The following MRPS11 variants were observed in gnomAD, a reference collection of about 807,000 sequenced individuals.
MRPS11 encodes the protein small ribosomal subunit protein uS11m.
In MRPS11, 27 loss-of-function variants were observed where a neutral mutation model predicts 24.3. The ratio of observed to expected loss-of-function variants is 1.11; its 90% CI spans 0.82 to 1.53. MRPS11 has a LOEUF of 1.53. MRPS11 is among the 40% of genes most tolerant of loss of function. The probability of loss-of-function intolerance (pLI) is 0.00; values close to 1 mark genes in which losing one functional copy is unlikely to be tolerated. For missense variants in MRPS11, 277 were observed against 256.5 expected (o/e 1.08, Z -0.55); for synonymous variants, 104 against 98.7 (o/e 1.05, Z -0.32).
chr15:88,467,745 C>T lies in MRPS11; in HGVS notation c.28C>T (p.Arg10Trp), dbSNP rs16941904. The T allele has an allele frequency of 0.013, 21,408 of 1,613,940 alleles. 2,232 individuals carry two copies. In the African/African-American group the frequency reaches 0.24, roughly 18 times the overall value. Residue 10 changes from arginine to tryptophan, a missense_variant, in exon 1 of 6, where the codon CGG becomes TGG. Coordinates refer to ENST00000325844, the MANE Select transcript of MRPS11 (RefSeq NM_022839.5). ...GCAGGCTGTGAGAAACGCGGGGTCG[C>T]GGTTCCTGCGGTCCTGGACTTGGCC... is the stretch of plus-strand genomic sequence containing the variant. Reference protein sequence around the residue: MQAVRNAGSRFLRSWTWPQT... With the variant: MQAVRNAGSWFLRSWTWPQT...
At chr15:88,471,479 G>A (rs1225897037) in intron 2 of MRPS11, among the ~76,000 whole-genome samples, 2 of 152,178 alleles carry the variant, frequency 1.3e-5, no homozygotes, top group African/African-American at 2.4e-5. Context: ...TAGAGGAACA[G>A]CAAGTTTATT....
At position 88,472,661 on chromosome 15, in the gene MRPS11, C is replaced by T; in HGVS notation, c.217C>T (p.Leu73=). ...YPPIPGEESS[L]RWAGKKFEEI... ...TCCCATTCCAGGAGAGGAGAGCTCT[C>T]TGAGGTGGGCAGGAAAGAAATTTGA... Residue 73 remains leucine, a synonymous_variant, in exon 3 of 6, where the codon CTG becomes TTG. Coordinates refer to ENST00000325844, the MANE Select transcript of MRPS11 (RefSeq NM_022839.5). 1 of 1,614,086 alleles carries T rather than the reference C, an allele frequency of 6.2e-7. No homozygotes were observed. The highest frequency in any genetic ancestry group is 8.5e-7 in the Non-Finnish European group (1 of 1,179,974).
chr15:88,471,306 A>T (rs1377252790), intron 2 of MRPS11, among the ~76,000 whole-genome samples: 1 of 152,228 alleles, frequency 6.6e-6, no homozygotes, highest in Non-Finnish European at 1.5e-5. Context: ...AACTTTGAAT[A>T]CCAATGTGTT....
Position 88,477,165 on chromosome 15 carries a change from G to T in MRPS11, c.477+111G>T. 1 of 1,009,718 alleles carries T rather than the reference G, an allele frequency of 9.9e-7. No individual in the cohort carries two copies. The highest frequency in any genetic ancestry group is 1.5e-6 in the Non-Finnish European group (1 of 661,228). 62.5% of individuals were successfully genotyped at this position (1,009,718 alleles called of 1,614,324 possible). A position where few individuals can be genotyped will look rare whatever the true frequency, so the allele number is the denominator to read the frequency against. On this transcript the variant is annotated intron_variant, in intron 5 of 5. Coordinates refer to ENST00000325844, the MANE Select transcript of MRPS11 (RefSeq NM_022839.5). This position sits in a 1 kb window ranked among gnomAD's most constrained non-coding sequence, Gnocchi z 5.7. The stretch of plus-strand genomic sequence containing the variant: ...AAAACACCTTTTAGTGGATTTCCAT[G>T]TTTGCTTGAAGTTCCCGTCTGTTGT...
chr15:88,468,210 A>G (rs914291932), intron 2 of MRPS11, 186 bp downstream of exon 2: 3 of 1,433,782 alleles, frequency 2.1e-6, no homozygotes, highest in Admixed American at 5.7e-5. Context: ...GGTTGTGAGA[A>G]TCAGATGAGC....
At position 88,475,169 on chromosome 15, in the gene MRPS11, C is replaced by T. The variant is rs577243785; in HGVS notation, c.341C>T (p.Thr114Ile). The change falls in exon 4 of 6, where the codon ACA becomes ATA. Residue 114 changes from threonine (T) to isoleucine (I), a missense_variant. Thr to Ile is a moderately conservative substitution (Grantham distance 89). Coordinates refer to ENST00000325844, the MANE Select transcript of MRPS11 (RefSeq NM_022839.5). The surrounding 1 kb of genome is among the most constrained non-coding windows in gnomAD (Gnocchi z 4.1). Reference sequence around the variant, plus strand: ...CCCCTTGCCTTTGCTTCCTGTGGCACAGAGGGATTTCGGAATGCCAAGAAG... The same window carrying T: ...CCCCTTGCCTTTGCTTCCTGTGGCATAGAGGGATTTCGGAATGCCAAGAAG... ...NEPLAFASCG[T>I]EGFRNAKKGT... The T allele has an allele frequency of 6.2e-7, 1 of 1,614,240 alleles. No individual in the cohort carries two copies. Among genetic ancestry groups the T allele is most frequent in the South Asian group, 1.1e-5 (1 of 91,088 alleles).
At position 88,475,889 on chromosome 15, in the gene MRPS11, G is replaced by A. The variant is rs1264646298; in HGVS notation, c.411+650G>A. Reference sequence around the variant, plus strand: ...GGAGAATCACTTGAACCCAGGAGGTGGAGGTTGCAGTGACTCGAGATCACA... The same window carrying A: ...GGAGAATCACTTGAACCCAGGAGGTAGAGGTTGCAGTGACTCGAGATCACA... On this transcript the variant is annotated intron_variant, in intron 4 of 5. Transcript: ENST00000325844. The surrounding 1 kb of genome is among the most constrained non-coding windows in gnomAD (Gnocchi z 4.1). 1.3e-5 allele frequency among the ~76,000 whole-genome samples: 2 copies of A among 151,986 alleles called. No homozygotes were observed. The highest frequency in any genetic ancestry group is 2.9e-5 in the Non-Finnish European group (2 of 68,004).
Position 88,467,763 on chromosome 15 carries a change from A to G in MRPS11, c.46A>G (p.Thr16Ala), listed in dbSNP as rs1370801929. The G allele has an allele frequency of 5.0e-6, 8 of 1,613,934 alleles. No homozygotes were observed. Among genetic ancestry groups the G allele is most frequent in the Non-Finnish European group, 5.9e-6 (7 of 1,180,024 alleles). ...NAGSRFLRSW[T>A]WPQTAGRVVA... is the part of the protein sequence containing the mutation. ...GGGGTCGCGGTTCCTGCGGTCCTGG[A>G]CTTGGCCCCAGACAGCCGGGTAACA... is the stretch of plus-strand genomic sequence containing the variant. The change falls in exon 1 of 6, where the codon ACT becomes GCT. Residue 16 changes from threonine (T) to alanine (A), a missense_variant. Transcript: ENST00000325844.
rs2055846715 is a variant in MRPS11 at position 88,477,509 on chromosome 15, G to A, written c.478-363G>A. On this transcript the variant is annotated intron_variant, in intron 5 of 5. Transcript: ENST00000325844. The surrounding 1 kb of genome is among the most constrained non-coding windows in gnomAD (Gnocchi z 5.7). ...AATAATGAGGTATCAGGGAGGTGGA[G>A]GCACAGCAGGTACGGGGGGACATTG... Among the ~76,000 whole-genome samples, 1 of 152,230 alleles carries A rather than the reference G, an allele frequency of 6.6e-6. No homozygotes were observed. Among genetic ancestry groups the A allele is most frequent in the Admixed American group, 6.5e-5 (1 of 15,292 alleles).
chr15:88,472,845 T>C (rs1213930687), intron 3 of MRPS11, 120 bp downstream of exon 3: 6 of 719,660 alleles, frequency 8.3e-6, no homozygotes, highest in Non-Finnish European at 1.4e-5. Context: ...TGCTGCATGA[T>C]GGCGCTAATG....
rs140738816 is a variant in MRPS11 at position 88,469,984 on chromosome 15, A to G, written c.182+1960A>G. On this transcript the variant is annotated intron_variant, in intron 2 of 5. Coordinates refer to ENST00000325844, the MANE Select transcript of MRPS11 (RefSeq NM_022839.5). This position sits in a 1 kb window ranked among gnomAD's most constrained non-coding sequence, Gnocchi z 4.4. ...GGAGTTGTTAAGGTTGAGATTCTTA[A>G]TAAACATTCAAGTGGAGACACAATG... 6.2e-4 allele frequency among the ~76,000 whole-genome samples: 95 copies of G among 152,316 alleles called. No homozygotes were observed. Among genetic ancestry groups the G allele is most frequent in the African/African-American group, 2.2e-3 (90 of 41,562 alleles).
rs910852460 is a variant in MRPS11 at position 88,475,943 on chromosome 15, G to A, written c.411+704G>A. The stretch of plus-strand genomic sequence containing the variant: ...CTGCACTCCAGCCTGGTGACAGAGC[G>A]AGACTCCATCTCAAGAAAAAAAATA... On this transcript the variant is annotated intron_variant, in intron 4 of 5. Transcript: ENST00000325844. The surrounding 1 kb of genome is among the most constrained non-coding windows in gnomAD (Gnocchi z 4.1). Among the ~76,000 whole-genome samples, 15 of 152,086 alleles carry A rather than the reference G, an allele frequency of 9.9e-5. No homozygotes were observed. The East Asian group carries it at 1.3e-3, about 14-fold the overall frequency.
At chr15:88,468,371 G>C in intron 2 of MRPS11, 1 of 1,124,422 alleles carries the variant, frequency 8.9e-7, no homozygotes, top group South Asian at 2.2e-5. Flanking sequence ...TGGGGAGGTA[G>C]AGGGCGCTAG....
At position 88,475,966 on chromosome 15, in the gene MRPS11, A is replaced by G. The variant is rs2055814227; in HGVS notation, c.411+727A>G. On this transcript the variant is annotated intron_variant, in intron 4 of 5. Transcript: ENST00000325844. The surrounding 1 kb of genome is among the most constrained non-coding windows in gnomAD (Gnocchi z 4.1). Reference sequence around the variant, plus strand: ...GCGAGACTCCATCTCAAGAAAAAAAATAAAAATAAAGACCAGTGGTTTGGG... The same window carrying G: ...GCGAGACTCCATCTCAAGAAAAAAAGTAAAAATAAAGACCAGTGGTTTGGG... 6.6e-6 allele frequency among the ~76,000 whole-genome samples: 1 copy of G among 152,274 alleles called. No individual in the cohort carries two copies. The highest frequency in any genetic ancestry group is 6.5e-5 in the Admixed American group (1 of 15,292).
At position 88,478,441 on chromosome 15, in the gene MRPS11, C is replaced by G. The variant is rs2055868653; in HGVS notation, c.*462C>G. ...AGCCCCTTACCCAAGATTTCTAGAGCTAATCCTAGTAACTTTTCTTATTAA... is the reference window on the plus strand; with the variant it reads ...AGCCCCTTACCCAAGATTTCTAGAGGTAATCCTAGTAACTTTTCTTATTAA... On this transcript the variant is annotated 3_prime_UTR_variant, in exon 6 of 6. Coordinates refer to ENST00000325844, the MANE Select transcript of MRPS11 (RefSeq NM_022839.5). The surrounding 1 kb of genome is among the most constrained non-coding windows in gnomAD (Gnocchi z 4.7). 1 of 157,320 alleles carries G rather than the reference C, an allele frequency of 6.4e-6. No homozygotes were observed. The highest frequency in any genetic ancestry group is 1.9e-4 in the South Asian group (1 of 5,222). The allele number at this position is 157,320 out of a possible 1,614,324, so 9.7% of individuals were successfully genotyped here.
chr15:88,470,322 C>CA (rs1331263159), intron 2 of MRPS11, among the ~76,000 whole-genome samples: 7 of 151,790 alleles, frequency 4.6e-5, no homozygotes, highest in Admixed American at 2.0e-4. Context: ...AACAAACAAG[C>CA]AAAAAAAGAA....
chr15:88,468,434 T>C, intron 2 of MRPS11: 1 of 1,041,214 alleles, frequency 9.6e-7, no homozygotes, highest in Non-Finnish European at 1.2e-6. Context: ...GTGGGTTTTG[T>C]GCTCAGCCCT....
rs1404144019 is a variant in MRPS11 at position 88,479,107 on chromosome 15, A to T, written c.*1128A>T. On this transcript the variant is annotated 3_prime_UTR_variant, in exon 6 of 6. Coordinates refer to ENST00000325844, the MANE Select transcript of MRPS11 (RefSeq NM_022839.5). ...TAGAGTCCAAATCTAGAAGTGCAGA[A>T]AGCAAGTTGATAAGGAACCTGGGTA... 6.6e-6 allele frequency: 1 copy of T among 152,144 alleles called. No individual in the cohort carries two copies. The highest frequency in any genetic ancestry group is 1.5e-5 in the Non-Finnish European group (1 of 68,036). 9.4% of individuals were successfully genotyped at this position (152,144 alleles called of 1,614,324 possible).
chr15:88,471,402 T>C (rs1432825990), intron 2 of MRPS11, among the ~76,000 whole-genome samples: 1 of 152,234 alleles, frequency 6.6e-6, no homozygotes, highest in Non-Finnish European at 1.5e-5. Context: ...ATTTCTAAAA[T>C]GGAGTCTATT....
Sources: gnomAD v4.1 joint callset for allele counts (sites outside exome capture counted in the v4.1 genomes callset) on GRCh38, gnomAD v4.1.1 for gene constraint, Gnocchi (gnomAD v3.1) non-coding constraint, MANE v1.5 for transcripts, NCBI Gene and HGNC (gene_info 2026-07-23, HGNC 2026-07-21) for gene names.